Variants in LOC128125817 observed in about 807,000 individuals in gnomAD.
At chr1:41,615,684 G>A in the LOC128125817 span, among the ~76,000 whole-genome samples, 22 of 152,248 alleles carry the variant, frequency 1.4e-4, 1 homozygote, top group East Asian at 4.2e-3. Context: ...GCCCGGTGGG[G>A]GCAGGGTAAA....
chr1:41,591,258 C>G, the LOC128125817 span, among the ~76,000 whole-genome samples: 307 of 152,062 alleles, frequency 2.0e-3, no homozygotes, highest in African/African-American at 6.7e-3. Flanking sequence ...GAAATGAGAA[C>G]CAAGGTTGAA....
the LOC128125817 span, among the ~76,000 whole-genome samples, chr1:41,600,668 G>A: frequency 1.3e-5 from 2 of 152,176 alleles, no homozygotes; most frequent in Non-Finnish European, 2.9e-5. Context: ...ATTTAAAATA[G>A]TAAAGTTGGT....
chr1:41,604,311 T>C, the LOC128125817 span, among the ~76,000 whole-genome samples: 1 of 152,178 alleles, frequency 6.6e-6, no homozygotes, highest in East Asian at 1.9e-4. Context: ...AAATAAATTG[T>C]GGTATATTCA....
the LOC128125817 span, among the ~76,000 whole-genome samples, chr1:41,598,721 T>C: frequency 6.6e-6 from 1 of 152,112 alleles, no homozygotes; most frequent in Admixed American, 6.5e-5. Flanking sequence ...CAAGACAGTA[T>C]AGTATCGATA....
At chr1:41,607,586 G>A in the LOC128125817 span, among the ~76,000 whole-genome samples, 1 of 151,908 alleles carries the variant, frequency 6.6e-6, no homozygotes, top group Non-Finnish European at 1.5e-5. Context: ...TTTGAAATAA[G>A]CTCTTCCTTT....
At chr1:41,628,777 C>A in the LOC128125817 span, 1 of 1,232,172 alleles carries the variant, frequency 8.1e-7, no homozygotes, top group East Asian at 3.2e-5. Context: ...TTCCGATGAC[C>A]AAAACTGAAA....
At chr1:41,625,268 A>C in the LOC128125817 span, among the ~76,000 whole-genome samples, 1 of 152,248 alleles carries the variant, frequency 6.6e-6, no homozygotes, top group African/African-American at 2.4e-5. Context: ...CAGCTGATAA[A>C]GCAAGCAATA....
chr1:41,611,596 G>A, the LOC128125817 span, among the ~76,000 whole-genome samples: 4 of 152,222 alleles, frequency 2.6e-5, no homozygotes, highest in Non-Finnish European at 5.9e-5. Flanking sequence ...AGGCAGGCAG[G>A]GGGTCTGCAG....
At chr1:41,592,960 G>C in the LOC128125817 span, among the ~76,000 whole-genome samples, 7 of 152,172 alleles carry the variant, frequency 4.6e-5, no homozygotes, top group African/African-American at 1.7e-4. Flanking sequence ...ACCCTCTCTT[G>C]GGCTGTCACC....
At chr1:41,589,722 T>C in the LOC128125817 span, among the ~76,000 whole-genome samples, 2 of 152,082 alleles carry the variant, frequency 1.3e-5, no homozygotes, top group African/African-American at 4.8e-5. Context: ...TGGGGCAAGA[T>C]AGGGGCAGGG....
chr1:41,597,114 G>C, the LOC128125817 span, among the ~76,000 whole-genome samples: 1 of 152,004 alleles, frequency 6.6e-6, no homozygotes, highest in Non-Finnish European at 1.5e-5. Flanking sequence ...AACAGGGCTT[G>C]GAATTTCTGC....
At chr1:41,607,840 C>T in the LOC128125817 span, among the ~76,000 whole-genome samples, 1 of 152,370 alleles carries the variant, frequency 6.6e-6, no homozygotes, top group South Asian at 2.1e-4. Context: ...GATATGGTGG[C>T]TTCACCGTGT....
chr1:41,621,601 G>A, the LOC128125817 span, among the ~76,000 whole-genome samples: 1 of 152,202 alleles, frequency 6.6e-6, no homozygotes, highest in African/African-American at 2.4e-5. Flanking sequence ...TGCAGCCTCC[G>A]TCTCCTGGGC....
the LOC128125817 span, among the ~76,000 whole-genome samples, chr1:41,620,276 A>G: frequency 1.3e-5 from 2 of 152,162 alleles, no homozygotes; most frequent in Non-Finnish European, 2.9e-5. Flanking sequence ...CCTCAAGCAA[A>G]CAGAAATTTT....
chr1:41,620,075 G>A, the LOC128125817 span, among the ~76,000 whole-genome samples: 1 of 152,174 alleles, frequency 6.6e-6, no homozygotes, highest in African/African-American at 2.4e-5. Context: ...GAAGGAAAGG[G>A]GGAAAGGTGC....
the LOC128125817 span, among the ~76,000 whole-genome samples, chr1:41,624,940 T>G: frequency 6.6e-6 from 1 of 151,286 alleles, no homozygotes; most frequent in Non-Finnish European, 1.5e-5. Flanking sequence ...CCGAGGTGGA[T>G]GGATCACAAG....
At chr1:41,614,042 G>A in the LOC128125817 span, among the ~76,000 whole-genome samples, 462 of 152,304 alleles carry the variant, frequency 3.0e-3, no homozygotes, top group Non-Finnish European at 4.3e-3. Context: ...GTGAGATCAC[G>A]CAGGTTGGAG....
the LOC128125817 span, among the ~76,000 whole-genome samples, chr1:41,595,185 C>T: frequency 9.8e-5 from 15 of 152,334 alleles, no homozygotes; most frequent in East Asian, 2.9e-3. Context: ...CCTCCAACTG[C>T]CTCCTAATCA....
the LOC128125817 span, among the ~76,000 whole-genome samples, chr1:41,618,105 C>G: frequency 0.11 from 16,154 of 152,212 alleles, 1,356 homozygotes; most frequent in East Asian, 0.4. Context: ...CTTACCCAGG[C>G]TGAGCTGCCC....
Sources: allele counts gnomAD v4.1 joint callset (sites outside exome capture counted in the v4.1 genomes callset), GRCh38; gene constraint gnomAD v4.1.1; transcripts MANE v1.5.